The following CYP19A1 variants were observed in gnomAD, a reference collection of about 807,000 sequenced individuals.
CYP19A1 encodes aromatase.
A neutral mutation model predicts 44.4 loss-of-function variants in CYP19A1; 32 were observed. That is an observed-to-expected ratio of 0.72 (90% CI 0.54 to 0.97). The LOEUF is 0.97. Ranked by LOEUF, CYP19A1 falls within the 50% of genes least tolerant of loss-of-function variation. CYP19A1 has a pLI of 0.00. For missense variants in CYP19A1, 598 were observed against 637.8 expected (o/e 0.94, Z 0.67); for synonymous variants, 212 against 215.6 (o/e 0.98, Z 0.14).
chr15:51,234,288 A>G (rs747443738), intron 3 of CYP19A1, among the ~76,000 whole-genome samples: 4 of 151,980 alleles, frequency 2.6e-5, no homozygotes, highest in Non-Finnish European at 4.4e-5. Context: ...GAACACAAAG[A>G]CTCCAACAAG....
intron 9 of CYP19A1, chr15:51,211,736 A>G: frequency 2.4e-6 from 1 of 415,852 alleles, no homozygotes; most frequent in East Asian, 7.3e-5. Context: ...TCAGATTGAA[A>G]AACATATTGC....
At chr15:51,243,023 AG>A in intron 1 of CYP19A1, 73 bp from the exon 2 acceptor site, 1 of 803,220 alleles carries the variant, frequency 1.2e-6, no homozygotes, top group Non-Finnish European at 2.2e-6. Context: ...GTTGCTTCAG[AG>A]GGTGCTGTAC....
intron 1 of CYP19A1, among the ~76,000 whole-genome samples, chr15:51,250,970 G>A (rs2034283470): frequency 6.6e-6 from 1 of 152,146 alleles, no homozygotes; most frequent in African/African-American, 2.4e-5. Context: ...CAGGCTTTAG[G>A]GTCAGATGAG....
rs2033846593 is a variant in CYP19A1 at position 51,242,773 on chromosome 15, A to G, written c.140T>C (p.Ile47Thr). 2 of 1,549,908 alleles carry G rather than the reference A, an allele frequency of 1.3e-6. No homozygotes were observed. The highest frequency in any genetic ancestry group is 2.2e-5 in the East Asian group (1 of 44,586). The change falls in exon 2 of 10, where the codon ATA becomes ACA. Residue 47 changes from isoleucine (I) to threonine (T), a missense_variant. Coordinates refer to ENST00000396402, the MANE Select transcript of CYP19A1 (RefSeq NM_000103.4). ...LVWNYEGTSS[I>T]PGPGYCMGIG... ...GAAATAAATGACTGACTTACCTGGTATTGAGGATGTGCCCTCATAATTCCA... is the reference window on the plus strand; with the variant it reads ...GAAATAAATGACTGACTTACCTGGTGTTGAGGATGTGCCCTCATAATTCCA...
chr15:51,210,455 T>C lies in CYP19A1; in HGVS notation c.*353A>G. The C allele has an allele frequency of 1.9e-6, 1 of 525,452 alleles. No individual in the cohort carries two copies. Among genetic ancestry groups the C allele is most frequent in the East Asian group, 4.2e-5 (1 of 23,876 alleles). 32.5% of individuals were successfully genotyped at this position (525,452 alleles called of 1,614,324 possible). ...CCCCAGACATAAAAATCCCCTTGGG[T>C]TGAGGCAGTAGAGCTCTACTGGGGA... On this transcript the variant is annotated 3_prime_UTR_variant, in exon 10 of 10. Coordinates refer to ENST00000396402, the MANE Select transcript of CYP19A1 (RefSeq NM_000103.4).
intron 1 of CYP19A1, 45 bp from the exon 2 acceptor site, chr15:51,242,995 G>A: frequency 1.0e-6 from 1 of 956,788 alleles, no homozygotes; most frequent in Non-Finnish European, 1.7e-6. Context: ...TCCCCTAAAA[G>A]GTTCATCTAT....
chr15:51,242,642 C>A, intron 2 of CYP19A1, 126 bp downstream of exon 2: 1 of 697,022 alleles, frequency 1.4e-6, no homozygotes, highest in Admixed American at 2.1e-5. Flanking sequence ...TTTGCTAACA[C>A]AGACATAGTC....
intron 3 of CYP19A1, among the ~76,000 whole-genome samples, chr15:51,231,235 T>A (rs1424708433): frequency 2.0e-5 from 3 of 152,176 alleles, no homozygotes. Flanking sequence ...AGACCCAATT[T>A]TCAGTTTATA....
intron 1 of CYP19A1, among the ~76,000 whole-genome samples, chr15:51,288,974 C>A (rs572713935): frequency 4.4e-4 from 67 of 152,332 alleles, no homozygotes; most frequent in African/African-American, 1.6e-3. Context: ...TGCATTCTGA[C>A]CTCCTTCTTG....
intron 1 of CYP19A1, among the ~76,000 whole-genome samples, chr15:51,321,430 C>T (rs1595784198): frequency 6.6e-6 from 1 of 152,208 alleles, no homozygotes; most frequent in Non-Finnish European, 1.5e-5. Context: ...TGGCCACCTT[C>T]TCCAGGAGCT....
chr15:51,260,915 G>A (rs2034691761), intron 1 of CYP19A1, among the ~76,000 whole-genome samples: 2 of 152,110 alleles, frequency 1.3e-5, no homozygotes, highest in South Asian at 2.1e-4. Flanking sequence ...TCTTGCAACT[G>A]CACACTCTTC....
At chr15:51,233,889 A>C (rs1361579155) in intron 3 of CYP19A1, among the ~76,000 whole-genome samples, 1 of 152,148 alleles carries the variant, frequency 6.6e-6, no homozygotes, top group Non-Finnish European at 1.5e-5. Context: ...TGCACACATC[A>C]TCTACAGCTC....
At chr15:51,240,192 G>A (rs1279741444) in intron 2 of CYP19A1, among the ~76,000 whole-genome samples, 1 of 151,932 alleles carries the variant, frequency 6.6e-6, no homozygotes, top group East Asian at 1.9e-4. Flanking sequence ...ATCCCCTCGG[G>A]GCAGAAACCA....
chr15:51,235,727 T>C (rs28393789), intron 3 of CYP19A1, among the ~76,000 whole-genome samples: 2,523 of 152,354 alleles, frequency 0.017, 96 homozygotes, highest in African/African-American at 0.058. Context: ...ATGATGTATG[T>C]AATCTTGACC....
rs1386365390 is a variant in CYP19A1, at chr15:51,267,111, A to G, written c.-38-24161T>C. On this transcript the variant is annotated intron_variant, in intron 1 of 9. Coordinates refer to ENST00000396402, the MANE Select transcript of CYP19A1 (RefSeq NM_000103.4). The stretch of plus-strand genomic sequence containing the variant: ...GCTGCCCTCCCGTTTCCTGCTTTTC[A>G]TGACAAAGATTGGGTCTCTGTCACT... Among the ~76,000 whole-genome samples the G allele has an allele frequency of 2.6e-5, 4 of 152,110 alleles. No homozygotes were observed. In the East Asian group the frequency reaches 7.7e-4, roughly 29 times the overall value.
intron 1 of CYP19A1, among the ~76,000 whole-genome samples, chr15:51,315,100 A>G (rs1190008790): frequency 1.3e-5 from 2 of 151,974 alleles, no homozygotes; most frequent in South Asian, 2.1e-4. Context: ...CCTTTATCTC[A>G]CTGGCCTTGA....
chr15:51,294,950 G>T (rs9944199), intron 1 of CYP19A1, among the ~76,000 whole-genome samples: 20,772 of 151,170 alleles, frequency 0.14, 1,741 homozygotes, highest in African/African-American at 0.23. Context: ...GGTAGACATG[G>T]GAGACTTTTC....
intron 1 of CYP19A1, among the ~76,000 whole-genome samples, chr15:51,273,024 T>C (rs113267379): frequency 5.1e-4 from 77 of 152,240 alleles, no homozygotes; most frequent in South Asian, 3.7e-3. Context: ...AGTGGCATGA[T>C]CTCGGCTCAC....
rs373553400 is a variant in CYP19A1 at position 51,257,769 on chromosome 15, T to C, written c.-38-14819A>G. ...ACACATGAAGGTCAAGTTTTTTTTTTCCCCTAACTTTTCAAGGTGGCCTGT... is the reference window on the plus strand; with the variant it reads ...ACACATGAAGGTCAAGTTTTTTTTTCCCCCTAACTTTTCAAGGTGGCCTGT... On this transcript the variant is annotated intron_variant, in intron 1 of 9. Transcript: ENST00000396402. 8.1e-3 allele frequency among the ~76,000 whole-genome samples: 1,204 copies of C among 149,310 alleles called. 9 individuals are homozygous for C. The highest frequency in any genetic ancestry group is 0.014 in the Non-Finnish European group (945 of 67,018).
Sources: gnomAD v4.1 joint callset for allele counts (sites outside exome capture counted in the v4.1 genomes callset) on GRCh38, gnomAD v4.1.1 for gene constraint, MANE v1.5 for transcripts, NCBI Gene and HGNC (gene_info 2026-07-23, HGNC 2026-07-21) for gene names.